Variants in METTL14 observed in about 807,000 individuals in gnomAD.
The protein encoded by METTL14 is N(6)-adenosine-methyltransferase non-catalytic subunit METTL14.
Under a neutral mutation model 62.4 loss-of-function variants are expected in METTL14, and 32 were observed. The observed-to-expected ratio is 0.51, with a 90% confidence interval of 0.39 to 0.69. The LOEUF is 0.69. METTL14 is among the 30% of genes least tolerant of loss of function. The pLI is 0.00. For synonymous variants in METTL14, 150 were observed against 180.0 expected, an observed-to-expected ratio of 0.83 and a Z score of 1.34; for missense variants, 340 against 551.9, an observed-to-expected ratio of 0.62 and a Z score of 3.85.
intron 5 of METTL14, among the ~76,000 whole-genome samples, chr4:118,693,680 G>A (rs1020281414): frequency 1.3e-5 from 2 of 152,052 alleles, no homozygotes; most frequent in African/African-American, 4.8e-5. Context: ...CTGCTCTTAG[G>A]ATACCTGCCT....
At chr4:118,703,641 A>G (rs6836261) in intron 8 of METTL14, among the ~76,000 whole-genome samples, 1,681 of 152,318 alleles carry the variant, frequency 0.011, 36 homozygotes, top group African/African-American at 0.037. Flanking sequence ...CCCCATGTCC[A>G]TTGATGACAA....
At position 118,685,472 on chromosome 4, in the gene METTL14, G is replaced by T. The variant is rs1724014977; in HGVS notation, c.-63G>T. Reference sequence around the variant, plus strand: ...TTTGTTCCACAGACTCGGAAGAAAGGTTGGATAAGAGTTCACTGGAGATTG... The same window carrying T: ...TTTGTTCCACAGACTCGGAAGAAAGTTTGGATAAGAGTTCACTGGAGATTG... On this transcript the variant is annotated 5_prime_UTR_variant, in exon 1 of 11. Transcript: ENST00000388822. 1 of 1,490,020 alleles carries T rather than the reference G, an allele frequency of 6.7e-7. No individual in the cohort carries two copies. The highest frequency in any genetic ancestry group is 9.4e-7 in the Non-Finnish European group (1 of 1,066,734). 92.3% of individuals were successfully genotyped at this position (1,490,020 alleles called of 1,614,324 possible).
rs996506748 is a variant in METTL14, at chr4:118,694,126, G to A, written c.413-310G>A. On this transcript the variant is annotated intron_variant, in intron 5 of 10. Coordinates refer to ENST00000388822, the MANE Select transcript of METTL14 (RefSeq NM_020961.4). ...AAAGAATCACACAAGAAAGGTAGTT[G>A]TTTTTTTTTTTTTTTCCTGAATGTT... 1.4e-4 allele frequency among the ~76,000 whole-genome samples: 16 copies of A among 116,416 alleles called. No individual in the cohort carries two copies. The East Asian group carries it at 4.2e-3, about 31-fold the overall frequency. 76.4% of individuals were successfully genotyped at this position (116,416 alleles called of 152,430 possible).
chr4:118,705,154 A>C (rs1579075911), intron 9 of METTL14, among the ~76,000 whole-genome samples: 1 of 152,154 alleles, frequency 6.6e-6, no homozygotes, highest in East Asian at 1.9e-4. Context: ...CCAGAGATCC[A>C]GGTTTTCCTG....
Position 118,711,737 on chromosome 4 carries a change from G to T in METTL14, c.*1435G>T, listed in dbSNP as rs949342742. On this transcript the variant is annotated 3_prime_UTR_variant, in exon 11 of 11. Coordinates refer to ENST00000388822, the MANE Select transcript of METTL14 (RefSeq NM_020961.4). ...CCCCTTTTTTTTTGCTGAAATTATGGTATATTTTCAACTTCACTAATTACA... is the reference window on the plus strand; with the variant it reads ...CCCCTTTTTTTTTGCTGAAATTATGTTATATTTTCAACTTCACTAATTACA... 16 of 152,044 alleles carry T rather than the reference G, an allele frequency of 1.1e-4. No homozygotes were observed. The highest frequency in any genetic ancestry group is 3.9e-4 in the African/African-American group (16 of 41,462). The allele number at this position is 152,044 out of a possible 1,614,324, so 9.4% of individuals were successfully genotyped here.
chr4:118,697,877 T>C lies in METTL14; in HGVS notation c.645+554T>C, dbSNP rs1724461909. On this transcript the variant is annotated intron_variant, in intron 7 of 10. Coordinates refer to ENST00000388822, the MANE Select transcript of METTL14 (RefSeq NM_020961.4). Reference sequence around the variant, plus strand: ...TAGAGGAGGTGACACCTGAACAATATAAATAGATTAGTTGGAATTAGCCAA... The same window carrying C: ...TAGAGGAGGTGACACCTGAACAATACAAATAGATTAGTTGGAATTAGCCAA... Among the ~76,000 whole-genome samples, 4 of 151,890 alleles carry C rather than the reference T, an allele frequency of 2.6e-5. 1 individual carries two copies. The South Asian group carries it at 8.3e-4, about 32-fold the overall frequency.
In METTL14 at chr4:118,713,198, T is replaced by G. The variant is rs796820841; in HGVS notation, c.*2896T>G. 15 of 152,294 alleles carry G rather than the reference T, an allele frequency of 9.8e-5. No individual in the cohort carries two copies. The highest frequency in any genetic ancestry group is 2.9e-4 in the African/African-American group (12 of 41,564). The allele number at this position is 152,294 out of a possible 1,614,324, so 9.4% of individuals were successfully genotyped here. A position where few individuals can be genotyped will look rare whatever the true frequency, so the allele number is the denominator to read the frequency against. On this transcript the variant is annotated 3_prime_UTR_variant, in exon 11 of 11. Coordinates refer to ENST00000388822, the MANE Select transcript of METTL14 (RefSeq NM_020961.4). ...ACTCTGGTAAGTAGTAGAGCCACTTTATGAGCCCTTATTTCCTATCTCCCT... is the reference window on the plus strand; with the variant it reads ...ACTCTGGTAAGTAGTAGAGCCACTTGATGAGCCCTTATTTCCTATCTCCCT...
intron 1 of METTL14, 140 bp downstream of exon 1, chr4:118,685,740 T>A: frequency 2.7e-6 from 2 of 737,968 alleles, no homozygotes; most frequent in Non-Finnish European, 4.7e-6. Flanking sequence ...TCTTGATCCC[T>A]GGTTCTGCCT....
chr4:118,690,613 G>A (rs1724216873), intron 3 of METTL14, among the ~76,000 whole-genome samples: 1 of 151,192 alleles, frequency 6.6e-6, no homozygotes, highest in Non-Finnish European at 1.5e-5. Context: ...CTGGGAGGCA[G>A]AGGTTGCAGT....
Position 118,711,143 on chromosome 4 carries a change from A to G in METTL14, c.*841A>G, listed in dbSNP as rs1335299226. 56 of 152,204 alleles carry G rather than the reference A, an allele frequency of 3.7e-4. No homozygotes were observed. Among genetic ancestry groups the G allele is most frequent in the Admixed American group, 3.7e-3 (56 of 15,276 alleles). 9.4% of individuals were successfully genotyped at this position (152,204 alleles called of 1,614,324 possible). A position where few individuals can be genotyped will look rare whatever the true frequency, so the allele number is the denominator to read the frequency against. Reference sequence around the variant, plus strand: ...CTTGGTTTATACATTTTGGGACTAAAATACTTGGTGATGAAATGACATACA... The same window carrying G: ...CTTGGTTTATACATTTTGGGACTAAGATACTTGGTGATGAAATGACATACA... On this transcript the variant is annotated 3_prime_UTR_variant, in exon 11 of 11. Transcript: ENST00000388822.
chr4:118,694,598 CT>C, intron 6 of METTL14, 72 bp downstream of exon 6: 2 of 1,062,618 alleles, frequency 1.9e-6, no homozygotes, highest in Non-Finnish European at 2.9e-6. Flanking sequence ...ATCCTATAAC[CT>C]TTTTTCTTCT....
At chr4:118,687,845 G>A in intron 1 of METTL14, 78 bp from the exon 2 acceptor site, 6 of 1,046,332 alleles carry the variant, frequency 5.7e-6, no homozygotes, top group Non-Finnish European at 5.8e-6. Context: ...AGTATTTAAT[G>A]TATTAAATGC....
At chr4:118,708,372 T>C (rs1001581124) in intron 10 of METTL14, among the ~76,000 whole-genome samples, 5 of 152,196 alleles carry the variant, frequency 3.3e-5, no homozygotes, top group African/African-American at 1.2e-4. Flanking sequence ...GTTCCACATA[T>C]ATTGAATATT....
rs1725016534 is a variant in METTL14, at chr4:118,715,297, G to A, written c.*4995G>A. The A allele has an allele frequency of 6.6e-6, 1 of 152,158 alleles. No individual in the cohort carries two copies. The highest frequency in any genetic ancestry group is 2.4e-5 in the African/African-American group (1 of 41,418). The allele number at this position is 152,158 out of a possible 1,614,324, so 9.4% of individuals were successfully genotyped here. A position where few individuals can be genotyped will look rare whatever the true frequency, so the allele number is the denominator to read the frequency against. ...AAACCTCAAAGCACAATTTTGTTCT[G>A]ATATATCCAGTTTAGTAGTTTATGC... On this transcript the variant is annotated 3_prime_UTR_variant, in exon 11 of 11. Coordinates refer to ENST00000388822, the MANE Select transcript of METTL14 (RefSeq NM_020961.4).
chr4:118,688,279 A>G (rs1009217079), intron 2 of METTL14, among the ~76,000 whole-genome samples: 1 of 152,160 alleles, frequency 6.6e-6, no homozygotes, highest in Non-Finnish European at 1.5e-5. Flanking sequence ...TCTACTAAAA[A>G]TACAAAAATT....
chr4:118,695,913 C>T lies in METTL14; in HGVS notation c.504-1269C>T, dbSNP rs563995446. Among the ~76,000 whole-genome samples the T allele has an allele frequency of 7.2e-5, 11 of 151,726 alleles. No individual in the cohort carries two copies. In the South Asian group the frequency reaches 1.5e-3, roughly 20 times the overall value. On this transcript the variant is annotated intron_variant, in intron 6 of 10. Transcript: ENST00000388822. ...GATCATTAGATCAAGAGATCAAGAC[C>T]GTCTTGGCCAACATGGTGAAACCTT... is the stretch of plus-strand genomic sequence containing the variant.
At chr4:118,690,249 A>G (rs56039818) in intron 3 of METTL14, among the ~76,000 whole-genome samples, 2 of 150,054 alleles carry the variant, frequency 1.3e-5, no homozygotes, top group Non-Finnish European at 3.0e-5. Context: ...CATATTGGCC[A>G]GGCTCGTCTC....
Position 118,699,600 on chromosome 4 carries a change from C to T in METTL14, c.646-950C>T, listed in dbSNP as rs572865866. On this transcript the variant is annotated intron_variant, in intron 7 of 10. Coordinates refer to ENST00000388822, the MANE Select transcript of METTL14 (RefSeq NM_020961.4). ...AAAAGAAAAAATTTAAACAATGAAT[C>T]TGATTATGTTCTTTATTAATAATTA... Among the ~76,000 whole-genome samples the T allele has an allele frequency of 2.0e-5, 3 of 152,212 alleles. No homozygotes were observed. The South Asian group carries it at 6.2e-4, about 32-fold the overall frequency.
intron 5 of METTL14, among the ~76,000 whole-genome samples, chr4:118,693,153 T>A (rs1301213020): frequency 6.6e-6 from 1 of 152,200 alleles, no homozygotes; most frequent in African/African-American, 2.4e-5. Context: ...TGGCACTTAC[T>A]ATTATCTGTT....
Sources: allele counts gnomAD v4.1 joint callset (sites outside exome capture counted in the v4.1 genomes callset), GRCh38; gene constraint gnomAD v4.1.1; transcripts MANE v1.5; gene names NCBI Gene and HGNC (gene_info 2026-07-23, HGNC 2026-07-21).